Variants in GAREM1 observed in about 807,000 individuals in gnomAD.
GAREM1 encodes GRB2-associated and regulator of MAPK protein 1.
A neutral mutation model predicts 71.3 loss-of-function variants in GAREM1; 26 were observed. That is an observed-to-expected ratio of 0.36 (90% CI 0.27 to 0.51). GAREM1 has a LOEUF of 0.51. Ranked by LOEUF, GAREM1 falls within the 20% of genes least tolerant of loss-of-function variation. GAREM1 has a pLI of 0.95. For missense variants in GAREM1, 1,026 were observed against 1,103.1 expected, an observed-to-expected ratio of 0.93 and a Z score of 0.99; for synonymous variants, 440 against 433.2, an observed-to-expected ratio of 1.02 and a Z score of -0.20.
intron 2 of GAREM1, among the ~76,000 whole-genome samples, chr18:32,353,048 G>A (rs540204714): frequency 5.2e-4 from 79 of 152,288 alleles, no homozygotes; most frequent in African/African-American, 1.8e-3. Flanking sequence ...ATGGTTAGCA[G>A]ACTGAATTTT....
rs2041375959 is a variant in GAREM1, at chr18:32,266,512, T to TA, written c.*1358dup. 1.3e-5 allele frequency: 2 copies of TA among 152,142 alleles called. No homozygotes were observed. Among genetic ancestry groups the TA allele is most frequent in the Non-Finnish European group, 2.9e-5 (2 of 68,020 alleles). The allele number at this position is 152,142 out of a possible 1,614,324, so 9.4% of individuals were successfully genotyped here. On this transcript the variant is annotated 3_prime_UTR_variant, in exon 6 of 6. Coordinates refer to ENST00000269209, the MANE Select transcript of GAREM1 (RefSeq NM_001242409.2). ...ATACAGTCTTAAGATGTATATTCTC[T>TA]AAAAAAGTCAAGAATAATGACGCCA...
At chr18:32,446,406 C>G (rs2048787095) in intron 1 of GAREM1, among the ~76,000 whole-genome samples, 3 of 152,130 alleles carry the variant, frequency 2.0e-5, no homozygotes, top group African/African-American at 2.4e-5. Context: ...TCTACTTCAC[C>G]TATAAACACA....
At chr18:32,295,033 T>G (rs1028267974) in intron 3 of GAREM1, among the ~76,000 whole-genome samples, 5 of 152,140 alleles carry the variant, frequency 3.3e-5, no homozygotes, top group African/African-American at 1.2e-4. Context: ...TATATCCAAT[T>G]AAGATGGTCA....
At chr18:32,396,130 C>G (rs917329494) in intron 1 of GAREM1, among the ~76,000 whole-genome samples, 9 of 152,168 alleles carry the variant, frequency 5.9e-5, no homozygotes, top group Non-Finnish European at 1.0e-4. Flanking sequence ...AACTAACAAA[C>G]AGAAAGGACA....
intron 3 of GAREM1, among the ~76,000 whole-genome samples, chr18:32,309,219 G>T (rs1202443031): frequency 6.7e-6 from 1 of 149,928 alleles, no homozygotes; most frequent in African/African-American, 2.5e-5. Context: ...AATACGATGG[G>T]CCTGGTTGGT....
At chr18:32,457,207 GA>G (rs1196488274) in intron 1 of GAREM1, among the ~76,000 whole-genome samples, 10 of 91,416 alleles carry the variant, frequency 1.1e-4, no homozygotes, top group African/African-American at 2.6e-4. Context: ...TGTAGGGGGG[GA>G]GAGAGAGAGA....
At chr18:32,354,701 C>T (rs573101253) in intron 2 of GAREM1, among the ~76,000 whole-genome samples, 2 of 152,264 alleles carry the variant, frequency 1.3e-5, no homozygotes, top group South Asian at 2.1e-4. Context: ...GGAGGAAAAG[C>T]GGTGTGGCTG....
rs529706375 is a variant in GAREM1 at position 32,413,073 on chromosome 18, T to G, written c.122-20038A>C. 280 of 1,548,390 alleles carry G rather than the reference T, an allele frequency of 1.8e-4. 1 individual carries two copies. In the African/African-American group the frequency reaches 2.7e-3, roughly 15 times the overall value. On this transcript the variant is annotated intron_variant, in intron 1 of 5. Coordinates refer to ENST00000269209, the MANE Select transcript of GAREM1 (RefSeq NM_001242409.2). ...ACAGTCCGTGAGCGTTCCCCATTGC[T>G]CAAAATGGCTCCTCAGGCTCTCATC...
At chr18:32,313,268 T>C (rs1400979759) in intron 2 of GAREM1, among the ~76,000 whole-genome samples, 5 of 151,608 alleles carry the variant, frequency 3.3e-5, no homozygotes, top group Admixed American at 2.6e-4. Flanking sequence ...GGATCCTGGG[T>C]GGGAGGGAAG....
chr18:32,467,692 T>C (rs1182282969), intron 1 of GAREM1, among the ~76,000 whole-genome samples: 1 of 152,234 alleles, frequency 6.6e-6, no homozygotes, highest in Non-Finnish European at 1.5e-5. Context: ...ACTAGTGGCA[T>C]GTTTTTCAAT....
At chr18:32,328,091 A>G (rs1190711759) in intron 2 of GAREM1, among the ~76,000 whole-genome samples, 1 of 152,222 alleles carries the variant, frequency 6.6e-6, no homozygotes, top group Non-Finnish European at 1.5e-5. Flanking sequence ...TAAAATTTCA[A>G]AGATATTTAT....
At chr18:32,386,572 A>C (rs567423144) in intron 2 of GAREM1, among the ~76,000 whole-genome samples, 4 of 152,328 alleles carry the variant, frequency 2.6e-5, no homozygotes, top group Non-Finnish European at 5.9e-5. Flanking sequence ...ACGCGGCTGG[A>C]GTTTATCTCA....
chr18:32,459,266 C>A (rs1599063822), intron 1 of GAREM1, among the ~76,000 whole-genome samples: 1 of 152,018 alleles, frequency 6.6e-6, no homozygotes, highest in Admixed American at 6.6e-5. Context: ...GACTACATAT[C>A]TTCAGACTAC....
intron 1 of GAREM1, among the ~76,000 whole-genome samples, chr18:32,429,248 T>G (rs73958422): frequency 0.06 from 9,172 of 152,278 alleles, 291 homozygotes; most frequent in South Asian, 0.08. Flanking sequence ...TCTACACTAT[T>G]AGGTTTTTAT....
In GAREM1 at chr18:32,470,501, C is replaced by G. The variant is rs2049043439; in HGVS notation, c.-73G>C. 8 of 1,102,494 alleles carry G rather than the reference C, an allele frequency of 7.3e-6. No individual in the cohort carries two copies. Among genetic ancestry groups the G allele is most frequent in the Non-Finnish European group, 7.8e-6 (7 of 896,372 alleles). 68.3% of individuals were successfully genotyped at this position (1,102,494 alleles called of 1,614,324 possible). ...ACCACCCGCGCCTCGGCGGCCGCCG[C>G]TGCTCGCGCTCGCGGTCTGGGGCGC... On this transcript the variant is annotated 5_prime_UTR_variant, in exon 1 of 6. Transcript: ENST00000269209. This position sits in a 1 kb window ranked among gnomAD's most constrained non-coding sequence, Gnocchi z 4.4.
intron 2 of GAREM1, among the ~76,000 whole-genome samples, chr18:32,344,303 A>G (rs2047674800): frequency 6.6e-6 from 1 of 152,178 alleles, no homozygotes; most frequent in East Asian, 1.9e-4. Flanking sequence ...CCTCTTCCCC[A>G]AAACTCAGGA....
At chr18:32,365,200 A>G (rs1055368175) in intron 2 of GAREM1, among the ~76,000 whole-genome samples, 3 of 152,212 alleles carry the variant, frequency 2.0e-5, no homozygotes, top group Non-Finnish European at 4.4e-5. Context: ...AATTTAAAAT[A>G]TAACCAGAAC....
At chr18:32,341,133 C>T (rs1430836635) in intron 2 of GAREM1, among the ~76,000 whole-genome samples, 1 of 152,160 alleles carries the variant, frequency 6.6e-6, no homozygotes, top group Non-Finnish European at 1.5e-5. Context: ...CCCTCCTCCC[C>T]TTACCCCATG....
intron 1 of GAREM1, among the ~76,000 whole-genome samples, chr18:32,453,745 G>A (rs867690867): frequency 6.6e-6 from 1 of 152,098 alleles, no homozygotes; most frequent in Non-Finnish European, 1.5e-5. Context: ...CAGGGATTTC[G>A]ATGTGGACAA....
Sources: allele counts gnomAD v4.1 joint callset (sites outside exome capture counted in the v4.1 genomes callset), GRCh38; gene constraint gnomAD v4.1.1; non-coding constraint Gnocchi (gnomAD v3.1); transcripts MANE v1.5; gene names NCBI Gene and HGNC (gene_info 2026-07-23, HGNC 2026-07-21).